The following FBXO41 variants were observed in gnomAD, a reference collection of about 807,000 sequenced individuals.
FBXO41 encodes F-box protein 41, also known as F-box only protein 41.
Under a neutral mutation model 81.6 loss-of-function variants are expected in FBXO41, and 33 were observed. That is an observed-to-expected ratio of 0.40 (90% confidence interval 0.31 to 0.54). The LOEUF is 0.54. FBXO41 is among the 20% of genes least tolerant of loss of function. The pLI is 0.39. For missense variants in FBXO41, 1,107 were observed against 1,236.0 expected (o/e 0.90, Z 1.56); for synonymous variants, 576 against 552.7 (o/e 1.04, Z -0.59).
rs892425684 is a variant in FBXO41, at chr2:73,269,408, C to T, written c.223G>A (p.Ala75Thr). ...ACCTCTCGCCGGGCGCCGGGCACGG[C>T]CAGCAGGGCGGCGGGCTCGGGAGCC... Reference protein sequence around the residue: ...PLAPEPAALLAVPGARREVFE... With the variant: ...PLAPEPAALLTVPGARREVFE... The change falls in exon 2 of 13, where the codon GCC (alanine) becomes ACC (threonine). Residue 75 changes from alanine to threonine, a missense_variant. Coordinates refer to ENST00000520530, the MANE Select transcript of FBXO41 (RefSeq NM_001371389.2). This position sits in a 1 kb window ranked among gnomAD's most constrained non-coding sequence, Gnocchi z 7.0. 7 of 1,442,402 alleles carry T rather than the reference C, an allele frequency of 4.9e-6. No homozygotes were observed. The highest frequency in any genetic ancestry group is 6.4e-6 in the Non-Finnish European group (7 of 1,102,230). The allele number at this position is 1,442,402 out of a possible 1,614,324, so 89.4% of individuals were successfully genotyped here.
At position 73,265,944 on chromosome 2, in the gene FBXO41, G is replaced by A. The variant is rs1465834824; in HGVS notation, c.1154C>T (p.Ala385Val). 1 of 1,581,386 alleles carries A rather than the reference G, an allele frequency of 6.3e-7. No homozygotes were observed. Among genetic ancestry groups the A allele is most frequent in the Non-Finnish European group, 8.6e-7 (1 of 1,163,182 alleles). The stretch of plus-strand genomic sequence containing the variant: ...TGACACTGCATATGTGTTAGGCACG[G>A]CCGGGCCCACGTGGTGTTCTCGCTG... Reference protein sequence around the residue: ...GRMREHHVGPAVPNTYAVSRH... With the variant: ...GRMREHHVGPVVPNTYAVSRH... The change falls in exon 4 of 13, where the codon GCC becomes GTC. Residue 385 changes from alanine (A) to valine (V), a missense_variant. Physicochemically the swap from Ala to Val is moderately conservative, Grantham distance 64. Transcript: ENST00000520530.
Position 73,266,883 on chromosome 2 carries a change from C to A in FBXO41, c.906-201G>T. The A allele has an allele frequency of 2.6e-6, 2 of 759,602 alleles. No homozygotes were observed. The highest frequency in any genetic ancestry group is 3.4e-5 in the East Asian group (1 of 29,500). The allele number at this position is 759,602 out of a possible 1,614,324, so 47.1% of individuals were successfully genotyped here. Reference sequence around the variant, plus strand: ...CAGAAATGCATGCATGCACTCCGAGCCACACACTCACACCCCACCCACCTG... The same window carrying A: ...CAGAAATGCATGCATGCACTCCGAGACACACACTCACACCCCACCCACCTG... On this transcript the variant is annotated intron_variant, in intron 2 of 12. Transcript: ENST00000520530. The surrounding 1 kb of genome is among the most constrained non-coding windows in gnomAD (Gnocchi z 5.3).
At position 73,269,692 on chromosome 2, in the gene FBXO41, C is replaced by T. The variant is rs1437932935; in HGVS notation, c.-62G>A. 1 of 1,105,142 alleles carries T rather than the reference C, an allele frequency of 9.0e-7. No individual in the cohort carries two copies. Among genetic ancestry groups the T allele is most frequent in the Non-Finnish European group, 1.1e-6 (1 of 904,472 alleles). The allele number at this position is 1,105,142 out of a possible 1,614,324, so 68.5% of individuals were successfully genotyped here. The stretch of plus-strand genomic sequence containing the variant: ...GGCCGCCCCGCCGGTCAGCCGGGCG[C>T]GCTCATGGGGGACCGCGGGCGAGGC... On this transcript the variant is annotated 5_prime_UTR_variant, in exon 2 of 13. Coordinates refer to ENST00000520530, the MANE Select transcript of FBXO41 (RefSeq NM_001371389.2). The surrounding 1 kb of genome is among the most constrained non-coding windows in gnomAD (Gnocchi z 7.0).
At position 73,265,367 on chromosome 2, in the gene FBXO41, G is replaced by C. The variant is rs767935100; in HGVS notation, c.1479C>G (p.Thr493=). The C allele has an allele frequency of 1.7e-5, 28 of 1,611,848 alleles. No individual in the cohort carries two copies. In the South Asian group the frequency reaches 3.1e-4, roughly 18 times the overall value. ...EGDVSDVGSR[T]TESEAEGPLD... is the part of the protein sequence containing the mutation. ...ACGGGCCCTCAGCCTCTGACTCAGT[G>C]GTTCGGGAGCCAACGTCGGAGACAT... Residue 493 remains threonine, a synonymous_variant, in exon 5 of 13, where the codon ACC becomes ACG. Coordinates refer to ENST00000520530, the MANE Select transcript of FBXO41 (RefSeq NM_001371389.2).
chr2:73,274,054 C>T (rs1688617576), intron 1 of FBXO41, among the ~76,000 whole-genome samples: 1 of 152,234 alleles, frequency 6.6e-6, no homozygotes, highest in African/African-American at 2.4e-5. Flanking sequence ...AACCTCATCA[C>T]ATCTAGACTG....
rs1687992023 is a variant in FBXO41 at position 73,260,817 on chromosome 2, A to G, written c.2213T>C (p.Ile738Thr). Residue 738 changes from isoleucine to threonine, a missense_variant, in exon 10 of 13, where the codon ATT (isoleucine) becomes ACT (threonine). Physicochemically the swap from Ile to Thr is moderately conservative, Grantham distance 89 (BLOSUM62 -1). Coordinates refer to ENST00000520530, the MANE Select transcript of FBXO41 (RefSeq NM_001371389.2). The surrounding 1 kb of genome is among the most constrained non-coding windows in gnomAD (Gnocchi z 5.0). ...TRFSNRCLQM[I>T]GRCWPHLRAL... ...CCGCAGGTGGGGCCAACAGCGACCA[A>G]TCATCTGCAGGCAGCGGTTACTGAA... 1 of 1,570,262 alleles carries G rather than the reference A, an allele frequency of 6.4e-7. No homozygotes were observed. Among genetic ancestry groups the G allele is most frequent in the Non-Finnish European group, 8.6e-7 (1 of 1,156,554 alleles).
rs1164320143 is a variant in FBXO41 at position 73,268,983 on chromosome 2, G to A, written c.648C>T (p.Asp216=). The change falls in exon 2 of 13, where the codon GAC becomes GAT. Residue 216 remains aspartate, a synonymous_variant. Transcript: ENST00000520530. ...KIRALEKLEV[D]RRLERLSEEV... ...CCTCGCTCAGCCGCTCCAGCCGCCG[G>A]TCCACCTCCAGCTTCTCCAGCGCGC... 8 of 1,538,904 alleles carry A rather than the reference G, an allele frequency of 5.2e-6. No homozygotes were observed. The East Asian group carries it at 1.7e-4, about 33-fold the overall frequency.
chr2:73,269,128 C>CACGCCGAGG lies in FBXO41; in HGVS notation c.494_502dup (p.Ser165_Ala167dup), dbSNP rs1206356219. On this transcript the variant is annotated inframe_insertion, in exon 2 of 13. Coordinates refer to ENST00000520530, the MANE Select transcript of FBXO41 (RefSeq NM_001371389.2). This position sits in a 1 kb window ranked among gnomAD's most constrained non-coding sequence, Gnocchi z 7.0. ...GCCGGGGCCAGGCGGCGGCGTCGAG[C>CACGCCGAGG]ACGCCGAGGACGCCACGGACTTGCG... The CACGCCGAGG allele has an allele frequency of 6.6e-7, 1 of 1,515,848 alleles. No individual in the cohort carries two copies. Among genetic ancestry groups the CACGCCGAGG allele is most frequent in the Non-Finnish European group, 8.8e-7 (1 of 1,138,878 alleles). 93.9% of individuals were successfully genotyped at this position (1,515,848 alleles called of 1,614,324 possible). A position where few individuals can be genotyped will look rare whatever the true frequency, so the allele number is the denominator to read the frequency against.
chr2:73,273,847 G>A (rs1342679112), intron 1 of FBXO41, among the ~76,000 whole-genome samples: 2 of 152,162 alleles, frequency 1.3e-5, no homozygotes, highest in Non-Finnish European at 2.9e-5. Flanking sequence ...ATGGCCCACA[G>A]TGTCAAAAAC....
rs761177597 is a variant in FBXO41, at chr2:73,258,991, G to A, written c.2619C>T (p.Gly873=). 154 of 1,582,400 alleles carry A rather than the reference G, an allele frequency of 9.7e-5. No individual in the cohort carries two copies. The highest frequency in any genetic ancestry group is 1.8e-4 in the Admixed American group (10 of 55,744). Residue 873 remains glycine, a synonymous_variant, in exon 13 of 13, where the codon GGC becomes GGT. Coordinates refer to ENST00000520530, the MANE Select transcript of FBXO41 (RefSeq NM_001371389.2). ...FSKILHIKVE[G]GC ...CCGCCCCCTACCCGGGTTAGCAGCCGCCTTCCACCTTGATGTGCAGAATCT... is the reference window on the plus strand; with the variant it reads ...CCGCCCCCTACCCGGGTTAGCAGCCACCTTCCACCTTGATGTGCAGAATCT...
At chr2:73,264,627 G>A (rs1574380368) in intron 5 of FBXO41, 108 bp from the exon 6 acceptor site, 3 of 1,495,152 alleles carry the variant, frequency 2.0e-6, no homozygotes, top group Non-Finnish European at 2.7e-6. Flanking sequence ...TGGACATGCT[G>A]TGGTACCAGG....
chr2:73,256,858 G>C lies in FBXO41; in HGVS notation c.*2124C>G, dbSNP rs1292038165. ...TCTAGTGTGTACCACCCAGAGAGAA[G>C]TTGCCTAGAGCCTTGTATTCAGGGA... On this transcript the variant is annotated 3_prime_UTR_variant, in exon 13 of 13. Coordinates refer to ENST00000520530, the MANE Select transcript of FBXO41 (RefSeq NM_001371389.2). 6.5e-6 allele frequency: 1 copy of C among 152,718 alleles called. No homozygotes were observed. The highest frequency in any genetic ancestry group is 1.5e-5 in the Non-Finnish European group (1 of 68,108). 9.5% of individuals were successfully genotyped at this position (152,718 alleles called of 1,614,324 possible).
chr2:73,262,614 C>T (rs1347464605), intron 9 of FBXO41, among the ~76,000 whole-genome samples: 1 of 152,216 alleles, frequency 6.6e-6, no homozygotes, highest in Non-Finnish European at 1.5e-5. Context: ...CGAGCAACAG[C>T]CCTAAGGTCC....
At chr2:73,277,128 G>A (rs1358666942) in intron 1 of FBXO41, among the ~76,000 whole-genome samples, 1 of 152,222 alleles carries the variant, frequency 6.6e-6, no homozygotes, top group Non-Finnish European at 1.5e-5. Context: ...GGGAAAGTCT[G>A]GGGGTATCAG....
At position 73,264,416 on chromosome 2, in the gene FBXO41, G is replaced by C; in HGVS notation, c.1668C>G (p.Ala556=). ...CCAGGTAGGTGAAGATGCAGAAGAGGGCAGCTCGCATCTTCAGGATCTCTG... is the reference window on the plus strand; with the variant it reads ...CCAGGTAGGTGAAGATGCAGAAGAGCGCAGCTCGCATCTTCAGGATCTCTG... ...ISPEILKMRA[A]LFCIFTYLDT... The change falls in exon 6 of 13, where the codon GCC becomes GCG. Residue 556 remains alanine (A), a synonymous_variant. Coordinates refer to ENST00000520530, the MANE Select transcript of FBXO41 (RefSeq NM_001371389.2). The C allele has an allele frequency of 4.3e-6, 7 of 1,613,958 alleles. No individual in the cohort carries two copies. The highest frequency in any genetic ancestry group is 5.1e-6 in the Non-Finnish European group (6 of 1,179,902).
intron 2 of FBXO41, among the ~76,000 whole-genome samples, chr2:73,268,359 G>A (rs1688357486): frequency 6.6e-6 from 1 of 152,192 alleles, no homozygotes; most frequent in Non-Finnish European, 1.5e-5. Flanking sequence ...TGACATGTCT[G>A]TATGCTTTTA....
At position 73,264,368 on chromosome 2, in the gene FBXO41, A is replaced by G. The variant is rs1326723091; in HGVS notation, c.1716T>C (p.Ala572=). 1 of 1,613,664 alleles carries G rather than the reference A, an allele frequency of 6.2e-7. No individual in the cohort carries two copies. The highest frequency in any genetic ancestry group is 8.5e-7 in the Non-Finnish European group (1 of 1,179,904). The stretch of plus-strand genomic sequence containing the variant: ...AGCGCCAGTCCCGGCAGACCTCGGC[A>G]GCATGCAGCAGTGTGCGCGTGTCCA... ...TYLDTRTLLH[A]AEVCRDWRFV... Residue 572 remains alanine, a synonymous_variant, in exon 6 of 13, where the codon GCT becomes GCC. Transcript: ENST00000520530.
chr2:73,270,514 G>A lies in FBXO41; in HGVS notation c.-138-746C>T, dbSNP rs558021203. 2.2e-4 allele frequency among the ~76,000 whole-genome samples: 34 copies of A among 152,128 alleles called. No homozygotes were observed. The South Asian group carries it at 5.8e-3, about 26-fold the overall frequency. Reference sequence around the variant, plus strand: ...AGACATCACTCTACCTAATGACATCGCATGTGTCGCTGTTTGTTCTGTCCC... The same window carrying A: ...AGACATCACTCTACCTAATGACATCACATGTGTCGCTGTTTGTTCTGTCCC... On this transcript the variant is annotated intron_variant, in intron 1 of 12. Transcript: ENST00000520530.
chr2:73,263,446 C>T (rs1407432986), intron 8 of FBXO41, 138 bp from the exon 9 acceptor site: 3 of 757,096 alleles, frequency 4.0e-6, no homozygotes, highest in African/African-American at 3.6e-5. Context: ...CGGCGAGACC[C>T]CGTCTCCATT....
Sources: allele counts gnomAD v4.1 joint callset (sites outside exome capture counted in the v4.1 genomes callset), GRCh38; gene constraint gnomAD v4.1.1; non-coding constraint Gnocchi (gnomAD v3.1); transcripts MANE v1.5; gene names NCBI Gene and HGNC (gene_info 2026-07-23, HGNC 2026-07-21).